Variants in DHRSX observed in about 807,000 individuals in gnomAD.
The protein encoded by DHRSX is dehydrogenase/reductase X-linked.
A neutral mutation model predicts 34.0 loss-of-function variants in DHRSX; 31 were observed. The ratio of observed to expected loss-of-function variants is 0.91; its 90% confidence interval spans 0.69 to 1.23. DHRSX has a LOEUF of 1.23. Ranked by LOEUF, DHRSX falls within the 50% of genes most tolerant of loss-of-function variation. The probability of loss-of-function intolerance (pLI) is 0.00; values close to 1 mark genes in which losing one functional copy is unlikely to be tolerated. For synonymous variants in DHRSX, 201 were observed against 183.8 expected, an observed-to-expected ratio of 1.09 and a Z score of -0.76; for missense variants, 414 against 428.1, an observed-to-expected ratio of 0.97 and a Z score of 0.29.
chrX:2,359,259 C>A (rs887108345), intron 3 of DHRSX, among the ~76,000 whole-genome samples: 1 of 152,148 alleles, frequency 6.6e-6, no homozygotes, highest in Non-Finnish European at 1.5e-5. Flanking sequence ...GGTATATACC[C>A]AAAGGAACAT....
At chrX:2,231,818 T>TC in intron 6 of DHRSX, among the ~76,000 whole-genome samples, 1 of 130,678 alleles carries the variant, frequency 7.7e-6, no homozygotes, top group African/African-American at 3.0e-5. Context: ...TCTCCCTTCC[T>TC]CTTCCTTTCT....
chrX:2,497,892 A>C (rs1401542359), intron 1 of DHRSX, among the ~76,000 whole-genome samples: 2 of 152,192 alleles, frequency 1.3e-5, no homozygotes, highest in Non-Finnish European at 2.9e-5. Flanking sequence ...CCATATTAGG[A>C]TATTAAATGC....
At chrX:2,460,830 G>A (rs1405737103) in intron 1 of DHRSX, among the ~76,000 whole-genome samples, 4 of 152,116 alleles carry the variant, frequency 2.6e-5, no homozygotes, top group Non-Finnish European at 5.9e-5. Context: ...TGATCCTACT[G>A]ACTTAGCCTC....
At chrX:2,324,229 G>A (rs73630205) in intron 3 of DHRSX, among the ~76,000 whole-genome samples, 4,642 of 152,132 alleles carry the variant, frequency 0.031, 255 homozygotes, top group African/African-American at 0.11. Flanking sequence ...AGCATTGCAA[G>A]GGGGTTGAGG....
intron 1 of DHRSX, among the ~76,000 whole-genome samples, chrX:2,484,241 G>A (rs747999357): frequency 6.6e-6 from 1 of 152,302 alleles, no homozygotes; most frequent in Non-Finnish European, 1.5e-5. Context: ...CCAAAGTGCT[G>A]GGATGACAGA....
At chrX:2,422,751 C>A (rs1261838445) in intron 2 of DHRSX, among the ~76,000 whole-genome samples, 2 of 151,962 alleles carry the variant, frequency 1.3e-5, no homozygotes, top group African/African-American at 4.8e-5. Context: ...CAAGACCAGC[C>A]TGGGCAACAT....
At chrX:2,272,002 C>G (rs1195846729) in intron 4 of DHRSX, among the ~76,000 whole-genome samples, 3 of 152,114 alleles carry the variant, frequency 2.0e-5, no homozygotes, top group Non-Finnish European at 2.9e-5. Flanking sequence ...GATCACACCA[C>G]TGCACTCCAG....
chrX:2,461,048 T>C (rs1045383211), intron 1 of DHRSX, among the ~76,000 whole-genome samples: 1 of 152,190 alleles, frequency 6.6e-6, no homozygotes, highest in African/African-American at 2.4e-5. Context: ...CATGAAACTT[T>C]ATTATTCTTT....
chrX:2,291,983 G>A (rs1368642744), intron 3 of DHRSX, among the ~76,000 whole-genome samples: 2 of 140,264 alleles, frequency 1.4e-5, no homozygotes, highest in Admixed American at 7.7e-5. Context: ...CAGGTGATCC[G>A]CCCGCCTCAG....
chrX:2,317,206 C>T (rs1416526355), intron 3 of DHRSX, among the ~76,000 whole-genome samples: 1 of 151,274 alleles, frequency 6.6e-6, no homozygotes, highest in Non-Finnish European at 1.5e-5. Flanking sequence ...GATCCACCCG[C>T]CTCGGCTTCC....
intron 5 of DHRSX, among the ~76,000 whole-genome samples, chrX:2,246,049 G>A (rs1278056207): frequency 6.7e-6 from 1 of 150,346 alleles, no homozygotes; most frequent in Non-Finnish European, 1.5e-5. Flanking sequence ...AGGACTTTCT[G>A]AGGCTATGTC....
chrX:2,245,981 A>AAC (rs1569479182), intron 5 of DHRSX, among the ~76,000 whole-genome samples: 13 of 144,256 alleles, frequency 9.0e-5, no homozygotes, highest in African/African-American at 3.7e-4. Context: ...AAAAAAACAA[A>AAC]AAAACACACA....
intron 3 of DHRSX, among the ~76,000 whole-genome samples, chrX:2,373,634 G>C (rs1242475171): frequency 1.3e-5 from 2 of 152,160 alleles, no homozygotes; most frequent in Non-Finnish European, 2.9e-5. Context: ...TTATCAGGTT[G>C]GAGAAAAGGG....
chrX:2,304,134 T>A (rs1259081320), intron 3 of DHRSX, among the ~76,000 whole-genome samples: 3 of 143,410 alleles, frequency 2.1e-5, no homozygotes, highest in African/African-American at 7.8e-5. Flanking sequence ...AATGGATGGA[T>A]GGATGAATGG....
At chrX:2,428,260 T>C (rs903262612) in intron 1 of DHRSX, among the ~76,000 whole-genome samples, 2 of 152,054 alleles carry the variant, frequency 1.3e-5, no homozygotes, top group Admixed American at 6.6e-5. Context: ...TCTATAAAAA[T>C]ACAAAGGTAA....
chrX:2,231,624 CTCTT>C (rs2015884314), intron 6 of DHRSX, among the ~76,000 whole-genome samples: 1 of 141,298 alleles, frequency 7.1e-6, no homozygotes. Context: ...CCTTTCCCAT[CTCTT>C]TCTCCCTTTC....
chrX:2,499,606 A>G (rs910014954), intron 1 of DHRSX, among the ~76,000 whole-genome samples: 22 of 152,098 alleles, frequency 1.4e-4, no homozygotes, highest in African/African-American at 5.3e-4. Flanking sequence ...TGCCATCTCT[A>G]CAAAAAATTT....
intron 4 of DHRSX, among the ~76,000 whole-genome samples, chrX:2,289,530 T>C (rs976809156): frequency 6.6e-6 from 1 of 152,214 alleles, no homozygotes; most frequent in Non-Finnish European, 1.5e-5. Context: ...TGTGTCTCTG[T>C]GCAAGGGCAC....
intron 3 of DHRSX, among the ~76,000 whole-genome samples, chrX:2,327,998 T>G (rs1191867221): frequency 1.4e-5 from 2 of 147,360 alleles, no homozygotes; most frequent in Non-Finnish European, 3.0e-5. Context: ...GAAAATCGCT[T>G]GAACCTGGGA....
Sources: gnomAD v4.1 joint callset for allele counts (sites outside exome capture counted in the v4.1 genomes callset) on GRCh38, gnomAD v4.1.1 for gene constraint, MANE v1.5 for transcripts, NCBI Gene and HGNC (gene_info 2026-07-23, HGNC 2026-07-21) for gene names.